ZDHHC15: variants seen among roughly 807,000 people sequenced by gnomAD.
ZDHHC15 encodes palmitoyltransferase ZDHHC15.
In ZDHHC15, 19 loss-of-function variants were observed where a neutral mutation model predicts 31.7. That is an observed-to-expected ratio of 0.60 (90% CI 0.42 to 0.88). ZDHHC15 has a LOEUF of 0.88. Among genes scored for constraint, ZDHHC15 ranks in the 40% least tolerant of loss-of-function variants. The probability of loss-of-function intolerance (pLI) is 0.00; values close to 1 mark genes in which losing one functional copy is unlikely to be tolerated. For missense variants in ZDHHC15, 209 were observed against 251.2 expected, an observed-to-expected ratio of 0.83 and a Z score of 1.14; for synonymous variants, 103 against 90.0, an observed-to-expected ratio of 1.14 and a Z score of -0.82.
At chrX:75,521,014 G>C (rs2085434071) in intron 1 of ZDHHC15, among the ~76,000 whole-genome samples, 1 of 110,913 alleles carries the variant, frequency 9.0e-6, no homozygotes, top group South Asian at 3.8e-4. Context: ...ATATGTAACA[G>C]AAGAAAATTA....
intron 10 of ZDHHC15, among the ~76,000 whole-genome samples, chrX:75,395,711 C>G (rs768734247): frequency 9.0e-6 from 1 of 111,251 alleles, no homozygotes; most frequent in South Asian, 3.8e-4. Flanking sequence ...TATATGGAAC[C>G]ACAAAAGACC....
intron 2 of ZDHHC15, chrX:75,501,723 T>C (rs1207118235): frequency 9.3e-6 from 1 of 107,647 alleles, no homozygotes; most frequent in Non-Finnish European, 1.9e-5. Flanking sequence ...TATTCACATT[T>C]GTCGGCCACA....
rs142007519 is a variant in ZDHHC15 at position 75,493,909 on chromosome X, C to G, written c.163+11912G>C. On this transcript the variant is annotated intron_variant, in intron 2 of 11. Coordinates refer to ENST00000373367, the MANE Select transcript of ZDHHC15 (RefSeq NM_144969.3). ...GCCCTCTCTCACCACTCCTATTCAA[C>G]ACAGTGTTGGAAATTCTGGCCAGGG... Among the ~76,000 whole-genome samples, 60 of 111,655 alleles carry G rather than the reference C, an allele frequency of 5.4e-4. No homozygotes were observed. In the East Asian group the frequency reaches 0.015, roughly 29 times the overall value.
chrX:75,495,640 A>G (rs758588465), intron 2 of ZDHHC15, among the ~76,000 whole-genome samples: 105 of 110,336 alleles, frequency 9.5e-4, no homozygotes, highest in African/African-American at 3.3e-3. Context: ...AGAGACATGG[A>G]TGAAACTGTA....
chrX:75,448,409 A>G (rs1443189145), intron 4 of ZDHHC15, among the ~76,000 whole-genome samples: 2 of 112,201 alleles, frequency 1.8e-5, no homozygotes, highest in Non-Finnish European at 3.8e-5. Flanking sequence ...TGTTATTGTT[A>G]TGGGTGTTTC....
At chrX:75,487,617 C>G (rs2084798830) in intron 2 of ZDHHC15, among the ~76,000 whole-genome samples, 1 of 111,881 alleles carries the variant, frequency 8.9e-6, no homozygotes, top group Admixed American at 9.5e-5. Flanking sequence ...TATGACAAAA[C>G]AGGGTTCTAT....
chrX:75,439,353 T>C (rs1405303508), intron 4 of ZDHHC15, among the ~76,000 whole-genome samples: 5 of 111,805 alleles, frequency 4.5e-5, no homozygotes, highest in Non-Finnish European at 9.4e-5. Flanking sequence ...GGAGCCTTTG[T>C]TCATTTTTTT....
chrX:75,509,409 A>T (rs2085223567), intron 1 of ZDHHC15, among the ~76,000 whole-genome samples: 1 of 112,098 alleles, frequency 8.9e-6, no homozygotes, highest in Non-Finnish European at 1.9e-5. Context: ...AATCCAGATG[A>T]CACATTTCAA....
At chrX:75,492,218 T>A (rs146648217) in intron 2 of ZDHHC15, among the ~76,000 whole-genome samples, 1 of 111,276 alleles carries the variant, frequency 9.0e-6, no homozygotes, top group Non-Finnish European at 1.9e-5. Context: ...ATCAATTCAA[T>A]AAGAAGAGCT....
At chrX:75,479,341 T>C (rs1036902981) in intron 2 of ZDHHC15, among the ~76,000 whole-genome samples, 1 of 112,177 alleles carries the variant, frequency 8.9e-6, no homozygotes, top group African/African-American at 3.2e-5. Context: ...CTTTAGAGTT[T>C]ACAACATGCT....
intron 1 of ZDHHC15, among the ~76,000 whole-genome samples, chrX:75,513,862 T>C (rs1335282389): frequency 2.0e-5 from 2 of 102,421 alleles, no homozygotes; most frequent in Non-Finnish European, 3.9e-5. Context: ...AGCAGGAAAA[T>C]TGACTTTTTA....
intron 2 of ZDHHC15, among the ~76,000 whole-genome samples, chrX:75,490,880 C>T (rs947831535): frequency 4.5e-5 from 5 of 111,911 alleles, no homozygotes; most frequent in African/African-American, 9.7e-5. Context: ...AAAAAATGCT[C>T]ACCATCACTG....
At chrX:75,500,613 T>C (rs1457626003) in intron 2 of ZDHHC15, among the ~76,000 whole-genome samples, 2 of 110,189 alleles carry the variant, frequency 1.8e-5, no homozygotes, top group Non-Finnish European at 3.8e-5. Flanking sequence ...TCTAGATTTC[T>C]ATATTGTTTG....
chrX:75,409,053 C>T (rs2083452358), intron 10 of ZDHHC15, among the ~76,000 whole-genome samples: 2 of 111,945 alleles, frequency 1.8e-5, no homozygotes, highest in African/African-American at 6.5e-5. Context: ...AATGCAATCC[C>T]TATCAAAATA....
At chrX:75,384,958 G>A (rs1040235313) in intron 10 of ZDHHC15, 1 of 426,015 alleles carries the variant, frequency 2.3e-6, no homozygotes, top group South Asian at 3.6e-5. Flanking sequence ...AATACATAAG[G>A]GCAATTTGGT....
At chrX:75,483,827 A>T (rs1178064643) in intron 2 of ZDHHC15, among the ~76,000 whole-genome samples, 3 of 110,975 alleles carry the variant, frequency 2.7e-5, no homozygotes, top group African/African-American at 6.5e-5. Flanking sequence ...AAGACTACAC[A>T]CACACACCCA....
At chrX:75,394,453 C>T (rs1327199814) in intron 10 of ZDHHC15, among the ~76,000 whole-genome samples, 3 of 108,391 alleles carry the variant, frequency 2.8e-5, no homozygotes, top group East Asian at 2.9e-4. Context: ...AAACAAGACC[C>T]GATGATCTAT....
intron 4 of ZDHHC15, among the ~76,000 whole-genome samples, chrX:75,443,921 C>A (rs745739731): frequency 9.0e-6 from 1 of 111,070 alleles, no homozygotes; most frequent in Non-Finnish European, 1.9e-5. Flanking sequence ...CAATGAGATA[C>A]CATCTCACAC....
At chrX:75,374,700 A>T (rs1458174858) in intron 11 of ZDHHC15, among the ~76,000 whole-genome samples, 1 of 98,332 alleles carries the variant, frequency 1.0e-5, no homozygotes, top group East Asian at 4.5e-4. Flanking sequence ...TATATATATA[A>T]TATATGTATA....
Sources: allele counts gnomAD v4.1 joint callset (sites outside exome capture counted in the v4.1 genomes callset), GRCh38; gene constraint gnomAD v4.1.1; transcripts MANE v1.5; gene names NCBI Gene and HGNC (gene_info 2026-07-23, HGNC 2026-07-21).